ANKS1B: variants seen among roughly 807,000 people sequenced by gnomAD.
ANKS1B encodes ankyrin repeat and sterile alpha motif domain containing 1B.
Under a neutral mutation model 148.3 loss-of-function variants are expected in ANKS1B, and 36 were observed. The observed-to-expected ratio is 0.24, with a 90% CI of 0.19 to 0.32. The LOEUF (loss-of-function observed/expected upper bound fraction) is 0.32, where lower values mean the gene tolerates loss of function less well. Ranked by LOEUF, ANKS1B falls within the 10% of genes least tolerant of loss-of-function variation. The pLI is 1.00. For synonymous variants in ANKS1B, 542 were observed against 560.8 expected (o/e 0.97, Z 0.47); for missense variants, 1,157 against 1,542.6 (o/e 0.75, Z 4.19).
At chr12:99,265,042 C>T (rs1277476202) in intron 12 of ANKS1B, among the ~76,000 whole-genome samples, 3 of 152,132 alleles carry the variant, frequency 2.0e-5, no homozygotes, top group African/African-American at 7.2e-5. Flanking sequence ...CACATGATTA[C>T]TGTGCACTTG....
At chr12:99,158,238 G>A (rs2076284480) in intron 14 of ANKS1B, among the ~76,000 whole-genome samples, 1 of 152,128 alleles carries the variant, frequency 6.6e-6, no homozygotes, top group African/African-American at 2.4e-5. Flanking sequence ...ATACTTTTAT[G>A]GAGTCTTAAA....
chr12:99,372,981 G>A (rs1331859549), intron 12 of ANKS1B, among the ~76,000 whole-genome samples: 1 of 151,844 alleles, frequency 6.6e-6, no homozygotes, highest in African/African-American at 2.4e-5. Context: ...AAACAGCAAG[G>A]GTCTATATTA....
At chr12:99,450,392 C>G (rs747124435) in intron 10 of ANKS1B, among the ~76,000 whole-genome samples, 2 of 152,158 alleles carry the variant, frequency 1.3e-5, no homozygotes, top group Non-Finnish European at 2.9e-5. Flanking sequence ...ATCTCACGGA[C>G]TAGTTAAGTT....
chr12:99,556,602 A>G (rs1394669793), intron 9 of ANKS1B, among the ~76,000 whole-genome samples: 1 of 151,962 alleles, frequency 6.6e-6, no homozygotes, highest in East Asian at 1.9e-4. Flanking sequence ...TTTCCTCTTA[A>G]CACTGCTTTA....
intron 14 of ANKS1B, among the ~76,000 whole-genome samples, chr12:99,222,353 C>A (rs1344202156): frequency 2.0e-5 from 3 of 152,134 alleles, no homozygotes; most frequent in Non-Finnish European, 2.9e-5. Flanking sequence ...GTGGCTCATG[C>A]CTGTAATGCC....
chr12:99,826,886 G>C (rs1329467304), intron 1 of ANKS1B, among the ~76,000 whole-genome samples: 1 of 152,092 alleles, frequency 6.6e-6, no homozygotes, highest in African/African-American at 2.4e-5. Context: ...TGAGGAGGGA[G>C]GTTCACTTAA....
chr12:98,925,347 T>G (rs2099806683), intron 17 of ANKS1B, among the ~76,000 whole-genome samples: 1 of 152,202 alleles, frequency 6.6e-6, no homozygotes, highest in Admixed American at 6.5e-5. Flanking sequence ...AAATGATGCT[T>G]AAAATGTAAC....
chr12:99,452,607 C>T (rs1000241279), intron 10 of ANKS1B, among the ~76,000 whole-genome samples: 1 of 152,074 alleles, frequency 6.6e-6, no homozygotes, highest in Non-Finnish European at 1.5e-5. Flanking sequence ...AGAAACAGTA[C>T]AGAAATCATA....
At chr12:99,884,766 C>G (rs2092730641) in intron 1 of ANKS1B, among the ~76,000 whole-genome samples, 2 of 152,076 alleles carry the variant, frequency 1.3e-5, no homozygotes, top group African/African-American at 2.4e-5. Flanking sequence ...TACAAAAGAG[C>G]AGACTGAAGG....
rs77021788 is a variant in ANKS1B, at chr12:99,073,684, G to A, written c.2625+11241C>T. ...AGAAGGGAGTTCAGTGGTCCATGGA[G>A]GCTGCAAAAACTGCCTTTTAAGCCT... On this transcript the variant is annotated intron_variant, in intron 16 of 26. Transcript: ENST00000683438. 4.3e-3 allele frequency among the ~76,000 whole-genome samples: 656 copies of A among 152,274 alleles called. 5 individuals are homozygous for A. Among genetic ancestry groups the A allele is most frequent in the South Asian group, 9.5e-3 (46 of 4,828 alleles).
intron 3 of ANKS1B, among the ~76,000 whole-genome samples, chr12:99,810,399 G>C (rs1044280240): frequency 6.6e-6 from 1 of 150,838 alleles, no homozygotes; most frequent in African/African-American, 2.4e-5. Context: ...CTATTCAGAA[G>C]GAAAAAAGAA....
At chr12:99,248,949 G>A (rs2074227198) in intron 12 of ANKS1B, among the ~76,000 whole-genome samples, 1 of 152,164 alleles carries the variant, frequency 6.6e-6, no homozygotes, top group Admixed American at 6.6e-5. Context: ...AAGCATCAGA[G>A]CTTTTTCTTT....
At chr12:99,294,086 A>T (rs1213067510) in intron 12 of ANKS1B, among the ~76,000 whole-genome samples, 1 of 152,206 alleles carries the variant, frequency 6.6e-6, no homozygotes, top group Non-Finnish European at 1.5e-5. Flanking sequence ...CTGGAATGCA[A>T]ATTTGTACAG....
chr12:99,040,309 A>G (rs2099958167), intron 17 of ANKS1B, among the ~76,000 whole-genome samples: 1 of 151,814 alleles, frequency 6.6e-6, no homozygotes, highest in Admixed American at 6.6e-5. Flanking sequence ...TAGTGGTACT[A>G]CAGGGTCATT....
intron 12 of ANKS1B, among the ~76,000 whole-genome samples, chr12:99,316,636 G>A (rs1462198629): frequency 6.6e-6 from 1 of 151,258 alleles, no homozygotes; most frequent in Non-Finnish European, 1.5e-5. Flanking sequence ...TCACTCTGAT[G>A]GTAGTTTCTT....
At chr12:99,304,628 G>A (rs1481655383) in intron 12 of ANKS1B, among the ~76,000 whole-genome samples, 1 of 152,046 alleles carries the variant, frequency 6.6e-6, no homozygotes, top group African/African-American at 2.4e-5. Context: ...GATATTCTTG[G>A]ATTCTAATGA....
chr12:99,366,621 T>G (rs2092785051), intron 12 of ANKS1B, among the ~76,000 whole-genome samples: 1 of 152,084 alleles, frequency 6.6e-6, no homozygotes, highest in Non-Finnish European at 1.5e-5. Flanking sequence ...TTAGAATAAG[T>G]GATATTGGTT....
intron 17 of ANKS1B, among the ~76,000 whole-genome samples, chr12:98,840,211 TAC>T (rs2099398112): frequency 6.6e-6 from 1 of 152,204 alleles, no homozygotes; most frequent in Admixed American, 6.5e-5. Context: ...CCTTAATTCC[TAC>T]ACACAGTCTT....
chr12:99,149,826 G>C (rs2074340510), intron 15 of ANKS1B, among the ~76,000 whole-genome samples: 1 of 151,928 alleles, frequency 6.6e-6, no homozygotes, highest in East Asian at 1.9e-4. Context: ...ACTGTAATTT[G>C]CTGCTGACAC....
Sources: allele counts gnomAD v4.1 joint callset (sites outside exome capture counted in the v4.1 genomes callset), GRCh38; gene constraint gnomAD v4.1.1; transcripts MANE v1.5; gene names NCBI Gene and HGNC (gene_info 2026-07-23, HGNC 2026-07-21).